RTEL1: variants seen among roughly 807,000 people sequenced by gnomAD.
The protein encoded by RTEL1 is regulator of telomere length.
Under a neutral mutation model 162.2 loss-of-function variants are expected in RTEL1, and 86 were observed. The observed-to-expected ratio is 0.53, with a 90% confidence interval of 0.45 to 0.63. The LOEUF (loss-of-function observed/expected upper bound fraction) is 0.63. RTEL1 is among the 30% of genes least tolerant of loss of function. RTEL1 has a pLI of 0.00. For missense variants in RTEL1, 1,941 were observed against 1,750.2 expected (o/e 1.11, Z -1.95); for synonymous variants, 958 against 717.9 (o/e 1.33, Z -5.35).
At chr20:63,694,529 G>C (rs771183450) in intron 31 of RTEL1, 41 bp downstream of exon 31, 12 of 1,496,190 alleles carry the variant, frequency 8.0e-6, no homozygotes, top group Non-Finnish European at 1.1e-5. Context: ...CGACTTGGTG[G>C]GTCCCTCAGT....
At position 63,694,311 on chromosome 20, in the gene RTEL1, C is replaced by A. The variant is rs779503922; in HGVS notation, c.2993-61C>A. On this transcript the variant is annotated intron_variant, in intron 30 of 34. Coordinates refer to ENST00000360203, the MANE Select transcript of RTEL1 (RefSeq NM_001283009.2). ...GCCTCCCTAGCCAGCCCTGCCCCCC[C>A]ACCCCAGGGAACTTTCCAGATGCTC... is the stretch of plus-strand genomic sequence containing the variant. The A allele has an allele frequency of 3.8e-6, 4 of 1,054,852 alleles. 1 individual carries two copies. Among genetic ancestry groups the A allele is most frequent in the Admixed American group, 1.7e-5 (1 of 57,662 alleles). The allele number at this position is 1,054,852 out of a possible 1,614,324, so 65.3% of individuals were successfully genotyped here.
intron 27 of RTEL1, 149 bp downstream of exon 27, chr20:63,691,096 C>T (rs1477343936): frequency 1.1e-6 from 1 of 876,968 alleles, no homozygotes; most frequent in Non-Finnish European, 1.7e-6. Context: ...GGGATCCCAG[C>T]TGCCTGGCTG....
chr20:63,674,561 TGTG>T (rs1256173319), intron 10 of RTEL1, among the ~76,000 whole-genome samples: 1 of 151,936 alleles, frequency 6.6e-6, no homozygotes, highest in Admixed American at 6.6e-5. Flanking sequence ...ATTAGCCAGG[TGTG>T]GTGGTGTGCT....
At chr20:63,666,513 C>T (rs576779621) in intron 7 of RTEL1, among the ~76,000 whole-genome samples, 40 of 152,292 alleles carry the variant, frequency 2.6e-4, no homozygotes, top group South Asian at 1.2e-3. Context: ...TAATAAAGCT[C>T]TTCTTATATT....
chr20:63,693,624 A>T (rs867474007), intron 30 of RTEL1, among the ~76,000 whole-genome samples: 544 of 22,214 alleles, frequency 0.024, 2 homozygotes, highest in East Asian at 0.055. Flanking sequence ...CACCTCCACC[A>T]CCACCTCCAC....
intron 8 of RTEL1, 92 bp downstream of exon 8, chr20:63,667,645 C>T (rs2090163181): frequency 4.8e-6 from 5 of 1,052,312 alleles, no homozygotes; most frequent in Admixed American, 1.7e-5. Context: ...TGCTTCAGGG[C>T]CTTAGATCAG....
chr20:63,690,107 G>A lies in RTEL1; in HGVS notation c.2162G>A (p.Arg721Lys), dbSNP rs746024103. The change falls in exon 25 of 35, where the codon AGA becomes AAA. Residue 721 changes from arginine (R) to lysine (K), a missense_variant. Transcript: ENST00000360203. Reference protein sequence around the residue: ...CDHRFAFADARAQLPSWVRPH... With the variant: ...CDHRFAFADAKAQLPSWVRPH... Reference sequence around the variant, plus strand: ...CCCAGGTTCGCCTTTGCCGACGCAAGAGCCCAACTGCCCTCCTGGGTGCGT... The same window carrying A: ...CCCAGGTTCGCCTTTGCCGACGCAAAAGCCCAACTGCCCTCCTGGGTGCGT... The A allele has an allele frequency of 1.9e-6, 3 of 1,611,994 alleles. No homozygotes were observed. Among genetic ancestry groups the A allele is most frequent in the Admixed American group, 3.3e-5 (2 of 60,012 alleles).
intron 26 of RTEL1, 38 bp downstream of exon 26, chr20:63,690,479 G>T: frequency 6.8e-7 from 1 of 1,472,160 alleles, no homozygotes; most frequent in South Asian, 1.3e-5. Context: ...GTGTGGGGGT[G>T]GCGGAGCGGG....
In RTEL1 at chr20:63,688,154, C is replaced by T. The variant is rs761157163; in HGVS notation, c.1611C>T (p.Cys537=). ...CCGGCTCTAGGTTTTCCGAGGAGTG[C>T]TTATCCTCCCTGGGGAAGGCTCTGG... ...SAFDRRFSEE[C]LSSLGKALGN... The change falls in exon 19 of 35, where the codon TGC becomes TGT. Residue 537 remains cysteine, a synonymous_variant. Transcript: ENST00000360203. 4 of 1,612,404 alleles carry T rather than the reference C, an allele frequency of 2.5e-6. No homozygotes were observed. The highest frequency in any genetic ancestry group is 2.7e-5 in the African/African-American group (2 of 75,052).
Position 63,693,261 on chromosome 20 carries a change from A to G in RTEL1, c.2970A>G (p.Ala990=), listed in dbSNP as rs930148195. The G allele has an allele frequency of 6.2e-7, 1 of 1,611,798 alleles. No homozygotes were observed. The highest frequency in any genetic ancestry group is 2.2e-5 in the East Asian group (1 of 44,902). Residue 990 remains alanine, a synonymous_variant, in exon 30 of 35, where the codon GCA becomes GCG. Transcript: ENST00000360203. ...PEHSIPRRQR[A]QPVLDPTGRT... is the part of the protein sequence containing the mutation. ...ACAGCATTCCCCGAAGGCAGCGGGC[A>G]CAGCCGGTCCTGGACCCCACTGGTA...
chr20:63,690,733 G>A (rs984522580), intron 26 of RTEL1, 72 bp from the exon 27 acceptor site: 81 of 1,493,288 alleles, frequency 5.4e-5, no homozygotes, highest in Non-Finnish European at 6.7e-5. Context: ...CCCCAAGAGG[G>A]GCTTTGCCAC....
At chr20:63,695,730 T>G (rs769831650) in intron 34 of RTEL1, 48 bp from the exon 35 acceptor site, 6 of 1,599,296 alleles carry the variant, frequency 3.8e-6, no homozygotes, top group Non-Finnish European at 5.1e-6. Flanking sequence ...GCCCTTGTCC[T>G]GGTGGCAACG....
intron 28 of RTEL1, chr20:63,692,439 C>T: frequency 2.9e-6 from 1 of 342,586 alleles, no homozygotes; most frequent in Admixed American, 4.2e-5. Flanking sequence ...GGAAGCCCCT[C>T]CTTGTGCGCT....
chr20:63,694,400 C>G lies in RTEL1; in HGVS notation c.3021C>G (p.Thr1007=). 1.2e-6 allele frequency: 2 copies of G among 1,612,434 alleles called. No homozygotes were observed. The highest frequency in any genetic ancestry group is 1.7e-6 in the Non-Finnish European group (2 of 1,179,686). ...TGRTAPDPKL[T]VSTAAAQQLD... is the part of the protein sequence containing the mutation. ...GAACGGCGCCGGATCCCAAGCTGACCGTGTCCACGGCTGCAGCCCAGCAGC... is the reference window on the plus strand; with the variant it reads ...GAACGGCGCCGGATCCCAAGCTGACGGTGTCCACGGCTGCAGCCCAGCAGC... The change falls in exon 31 of 35, where the codon ACC becomes ACG. Residue 1007 remains threonine, a synonymous_variant. Coordinates refer to ENST00000360203, the MANE Select transcript of RTEL1 (RefSeq NM_001283009.2).
chr20:63,691,543 C>G (rs80132799), intron 27 of RTEL1, among the ~76,000 whole-genome samples, 199 bp from the exon 28 acceptor site: 1 of 152,126 alleles, frequency 6.6e-6, no homozygotes, highest in East Asian at 1.9e-4. Context: ...TCACCACCTG[C>G]GAGCCTCATG....
At position 63,667,606 on chromosome 20, in the gene RTEL1, G is replaced by A; in HGVS notation, c.699+53G>A. ...CTCCTGATGTCCAGGGGTGTCCCTG[G>A]GCTTGGGAACAGCTGTCCGAGCCTT... is the stretch of plus-strand genomic sequence containing the variant. On this transcript the variant is annotated intron_variant, in intron 8 of 34. Coordinates refer to ENST00000360203, the MANE Select transcript of RTEL1 (RefSeq NM_001283009.2). The A allele has an allele frequency of 2.7e-6, 4 of 1,460,044 alleles. No individual in the cohort carries two copies. The Admixed American group carries it at 6.7e-5, about 24-fold the overall frequency. 90.4% of individuals were successfully genotyped at this position (1,460,044 alleles called of 1,614,324 possible).
intron 6 of RTEL1, among the ~76,000 whole-genome samples, chr20:63,663,898 G>A (rs1036026542): frequency 2.0e-5 from 3 of 152,186 alleles, no homozygotes; most frequent in Non-Finnish European, 4.4e-5. Context: ...AGGTGGTCCC[G>A]CATGACCCAC....
In RTEL1 at chr20:63,678,313, CTGGAGACGACAGCGG is replaced by C; in HGVS notation, c.1007_1021del (p.Gly336_Gly340del). 1 of 1,613,068 alleles carries C rather than the reference CTGGAGACGACAGCGG, an allele frequency of 6.2e-7. No individual in the cohort carries two copies. Among genetic ancestry groups the C allele is most frequent in the Non-Finnish European group, 8.5e-7 (1 of 1,179,742 alleles). On this transcript the variant is annotated inframe_deletion, in exon 12 of 35. Coordinates refer to ENST00000360203, the MANE Select transcript of RTEL1 (RefSeq NM_001283009.2). ...GGGGCCATCGATGCTGTTGAGCTGC[CTGGAGACGACAGCGG>C]TGTCACCAAGCCAGGGAGGTGAGAG...
At chr20:63,688,779 G>A in intron 21 of RTEL1, 174 bp downstream of exon 21, 1 of 657,592 alleles carries the variant, frequency 1.5e-6, no homozygotes, top group South Asian at 1.9e-5. Flanking sequence ...ATCTTACAAA[G>A]CCCCCAGCAC....
Sources: gnomAD v4.1 joint callset for allele counts (sites outside exome capture counted in the v4.1 genomes callset) on GRCh38, gnomAD v4.1.1 for gene constraint, MANE v1.5 for transcripts, NCBI Gene and HGNC (gene_info 2026-07-23, HGNC 2026-07-21) for gene names.